Variants in DCBLD2 observed in about 807,000 individuals in gnomAD.
The protein encoded by DCBLD2 is discoidin, CUB and LCCL domain-containing protein 2.
Under a neutral mutation model 86.8 loss-of-function variants are expected in DCBLD2, and 54 were observed. That is an observed-to-expected ratio of 0.62 (90% confidence interval 0.50 to 0.78). The LOEUF (loss-of-function observed/expected upper bound fraction) is 0.78, where lower values mean the gene tolerates loss of function less well. DCBLD2 is among the 30% of genes least tolerant of loss of function. The pLI is 0.00. For synonymous variants in DCBLD2, 354 were observed against 341.3 expected (o/e 1.04, Z -0.41); for missense variants, 908 against 954.2 (o/e 0.95, Z 0.64).
At chr3:98,849,361 C>T in intron 3 of DCBLD2, 100 bp downstream of exon 3, 1 of 1,444,918 alleles carries the variant, frequency 6.9e-7, no homozygotes, top group Non-Finnish European at 9.7e-7. Flanking sequence ...AGTCTTTCTG[C>T]TCTATTCCAA....
At chr3:98,814,467 G>T (rs923530880) in intron 9 of DCBLD2, 1 of 152,212 alleles carries the variant, frequency 6.6e-6, no homozygotes, top group African/African-American at 2.4e-5. Flanking sequence ...CTCATGTACA[G>T]AGAAGTATGT....
intron 3 of DCBLD2, among the ~76,000 whole-genome samples, chr3:98,840,996 C>T (rs2107474360): frequency 6.6e-6 from 1 of 152,328 alleles, no homozygotes; most frequent in Admixed American, 6.5e-5. Context: ...GGCATTCCCT[C>T]TTTTTCTGTA....
chr3:98,881,303 TAGTA>T (rs1246321301), intron 2 of DCBLD2, among the ~76,000 whole-genome samples: 1 of 151,444 alleles, frequency 6.6e-6, no homozygotes, highest in African/African-American at 2.4e-5. Flanking sequence ...TCCTCCTTCT[TAGTA>T]GTACAGTGGC....
chr3:98,869,089 A>G (rs558721501), intron 2 of DCBLD2, among the ~76,000 whole-genome samples: 243 of 152,302 alleles, frequency 1.6e-3, no homozygotes, highest in Non-Finnish European at 2.1e-3. Flanking sequence ...CCAACAGTGT[A>G]TAAGTGTTCC....
chr3:98,821,490 T>C (rs1262435302), intron 6 of DCBLD2, among the ~76,000 whole-genome samples: 7 of 152,226 alleles, frequency 4.6e-5, no homozygotes, highest in Non-Finnish European at 1.0e-4. Flanking sequence ...CAATAATGCT[T>C]ATGATGTAAC....
chr3:98,870,810 A>AAGAAAGG (rs1943268144), intron 2 of DCBLD2, among the ~76,000 whole-genome samples: 6 of 131,580 alleles, frequency 4.6e-5, no homozygotes. Flanking sequence ...AGAAAGAAAG[A>AAGAAAGG]AAGGTAGGCA....
chr3:98,860,652 T>C (rs1214350775), intron 2 of DCBLD2, among the ~76,000 whole-genome samples: 1 of 152,108 alleles, frequency 6.6e-6, no homozygotes, highest in South Asian at 2.1e-4. Context: ...AGAAATAAAA[T>C]ACTTTACAGA....
At chr3:98,822,107 A>G (rs1391300099) in intron 6 of DCBLD2, 121 bp downstream of exon 6, 1 of 1,224,524 alleles carries the variant, frequency 8.2e-7, no homozygotes, top group Admixed American at 1.7e-5. Flanking sequence ...TACTGCCTAA[A>G]TGTTCTTTCA....
At chr3:98,899,480 G>A (rs1943811478) in intron 1 of DCBLD2, among the ~76,000 whole-genome samples, 1 of 152,040 alleles carries the variant, frequency 6.6e-6, no homozygotes, top group African/African-American at 2.4e-5. Context: ...TCGATCTCCT[G>A]ACCTCGTGAT....
chr3:98,845,660 G>T (rs997412944), intron 3 of DCBLD2, among the ~76,000 whole-genome samples: 2 of 152,090 alleles, frequency 1.3e-5, no homozygotes, highest in Admixed American at 1.3e-4. Flanking sequence ...TTCCTTAACA[G>T]CTTCCATGCA....
intron 12 of DCBLD2, among the ~76,000 whole-genome samples, chr3:98,809,448 C>T (rs1941897223): frequency 6.6e-6 from 1 of 151,992 alleles, no homozygotes; most frequent in Admixed American, 6.6e-5. Context: ...TCGAGGGGAA[C>T]CAGGGCACAG....
At chr3:98,839,695 A>C (rs1292059837) in intron 3 of DCBLD2, among the ~76,000 whole-genome samples, 1 of 152,232 alleles carries the variant, frequency 6.6e-6, no homozygotes, top group Admixed American at 6.5e-5. Context: ...AACAAAGAAC[A>C]ACCAGATAAA....
At chr3:98,876,388 C>A (rs1576198140) in intron 2 of DCBLD2, among the ~76,000 whole-genome samples, 1 of 31,484 alleles carries the variant, frequency 3.2e-5, no homozygotes, top group Non-Finnish European at 6.4e-5. Flanking sequence ...GAAAAACGGG[C>A]AAAAGACAGG....
rs1025571561 is a variant in DCBLD2 at position 98,801,803 on chromosome 3, GT to G, written c.1671-155del. The stretch of plus-strand genomic sequence containing the variant: ...TCCCACCTATGAGTGAGAACATGCG[GT>G]GTTTGGTTTTTTGTCCTTGGGACAG... On this transcript the variant is annotated intron_variant, in intron 13 of 15. Coordinates refer to ENST00000326840, the MANE Select transcript of DCBLD2 (RefSeq NM_080927.4). The G allele has an allele frequency of 5.6e-6, 3 of 537,760 alleles. No homozygotes were observed. The African/African-American group carries it at 5.7e-5, about 10-fold the overall frequency. 33.3% of individuals were successfully genotyped at this position (537,760 alleles called of 1,614,324 possible).
At chr3:98,897,660 A>C (rs1351580220) in intron 1 of DCBLD2, among the ~76,000 whole-genome samples, 1 of 152,140 alleles carries the variant, frequency 6.6e-6, no homozygotes, top group East Asian at 1.9e-4. Flanking sequence ...AAATAACTGA[A>C]ACATCCTTTT....
chr3:98,835,995 A>G (rs2333923), intron 3 of DCBLD2, among the ~76,000 whole-genome samples: 50,684 of 135,648 alleles, frequency 0.37, 10,837 homozygotes, highest in East Asian at 0.72. Context: ...AGGAGAATCT[A>G]AATTCTTTTG....
chr3:98,851,159 T>C (rs1286459217), intron 2 of DCBLD2, among the ~76,000 whole-genome samples: 1 of 152,176 alleles, frequency 6.6e-6, no homozygotes, highest in Non-Finnish European at 1.5e-5. Flanking sequence ...AAAATTGTCT[T>C]TGTTTGCAGA....
At position 98,898,781 on chromosome 3, in the gene DCBLD2, T is replaced by C. The variant is rs937103538; in HGVS notation, c.205+2341A>G. Among the ~76,000 whole-genome samples the C allele has an allele frequency of 2.0e-4, 31 of 152,172 alleles. 2 individuals carry two copies. Among genetic ancestry groups the C allele is most frequent in the Non-Finnish European group, 4.3e-4 (29 of 68,028 alleles). On this transcript the variant is annotated intron_variant, in intron 1 of 15. Transcript: ENST00000326840. ...CCACCACGGGCTGCTTTAGGGTCCT[T>C]TGAGTAAAAAATTTAATTTTTAAAA...
rs903850881 is a variant in DCBLD2, at chr3:98,898,823, C to G, written c.205+2299G>C. On this transcript the variant is annotated intron_variant, in intron 1 of 15. Coordinates refer to ENST00000326840, the MANE Select transcript of DCBLD2 (RefSeq NM_080927.4). ...TTTTTAAAAATGAGAAAATTCAAAT[C>G]TCAAATAATTGTGAGTTTTCAGATG... is the stretch of plus-strand genomic sequence containing the variant. Among the ~76,000 whole-genome samples, 3 of 152,088 alleles carry G rather than the reference C, an allele frequency of 2.0e-5. No individual in the cohort carries two copies. In the East Asian group the frequency reaches 5.8e-4, roughly 29 times the overall value.
Sources: allele counts gnomAD v4.1 joint callset (sites outside exome capture counted in the v4.1 genomes callset), GRCh38; gene constraint gnomAD v4.1.1; transcripts MANE v1.5; gene names NCBI Gene and HGNC (gene_info 2026-07-23, HGNC 2026-07-21).